CD3G: variants seen among roughly 807,000 people sequenced by gnomAD.
CD3G encodes the protein CD3 gamma subunit of T-cell receptor complex.
Under a neutral mutation model 28.3 loss-of-function variants are expected in CD3G, and 24 were observed. The ratio of observed to expected loss-of-function variants is 0.85; its 90% confidence interval spans 0.61 to 1.19. The LOEUF is 1.19. CD3G is among the 50% of genes most tolerant of loss of function. The probability of loss-of-function intolerance (pLI) is 0.00; values close to 1 mark genes in which losing one functional copy is unlikely to be tolerated. For missense variants in CD3G, 211 were observed against 210.0 expected (o/e 1.00, Z -0.03); for synonymous variants, 71 against 75.9 (o/e 0.93, Z 0.34).
intron 4 of CD3G, chr11:118,350,888 T>TCAA: frequency 1.5e-6 from 1 of 684,478 alleles, no homozygotes; most frequent in South Asian, 7.2e-5. Context: ...GCTCCCTCTG[T>TCAA]GAAAAAAAAA....
chr11:118,345,193 G>T (rs1405767155), intron 1 of CD3G, among the ~76,000 whole-genome samples: 1 of 152,026 alleles, frequency 6.6e-6, no homozygotes. Flanking sequence ...CAATTTTAAG[G>T]GGCAGTTAGA....
At position 118,353,971 on chromosome 11, in the gene CD3G, A is replaced by G. The variant is rs1044511919; in HGVS notation, c.*871A>G. ...ACATCTTGTGAGATTATTGCATACC[A>G]TTATATGAAGATACCATTATATCCT... On this transcript the variant is annotated 3_prime_UTR_variant, in exon 7 of 7. Coordinates refer to ENST00000532917, the MANE Select transcript of CD3G (RefSeq NM_000073.3). 2 of 152,214 alleles carry G rather than the reference A, an allele frequency of 1.3e-5. No homozygotes were observed. The highest frequency in any genetic ancestry group is 6.5e-5 in the Admixed American group (1 of 15,286). 9.4% of individuals were successfully genotyped at this position (152,214 alleles called of 1,614,324 possible).
chr11:118,347,003 GCA>G (rs1304437218), intron 1 of CD3G, among the ~76,000 whole-genome samples: 1 of 151,998 alleles, frequency 6.6e-6, no homozygotes, highest in African/African-American at 2.4e-5. Flanking sequence ...TTATTCATTT[GCA>G]CATTCATTCA....
intron 1 of CD3G, 128 bp from the exon 2 acceptor site, chr11:118,348,899 A>G: frequency 9.5e-7 from 1 of 1,048,240 alleles, no homozygotes; most frequent in South Asian, 1.3e-5. Flanking sequence ...AAAACTAAGT[A>G]TAGATACTAC....
chr11:118,352,613 C>T (rs569454351), intron 6 of CD3G, 126 bp downstream of exon 6: 55 of 756,480 alleles, frequency 7.3e-5, no homozygotes, highest in East Asian at 5.6e-4. Flanking sequence ...GGGATTGGGA[C>T]GTGGTTTGGG....
At chr11:118,351,563 T>C (rs1948410159) in intron 4 of CD3G, 65 bp from the exon 5 acceptor site, 2 of 1,448,830 alleles carry the variant, frequency 1.4e-6, no homozygotes, top group South Asian at 2.3e-5. Context: ...GTATTCCATT[T>C]TGTGAATATA....
At chr11:118,347,393 C>T (rs1591282952) in intron 1 of CD3G, among the ~76,000 whole-genome samples, 1 of 152,128 alleles carries the variant, frequency 6.6e-6, no homozygotes, top group African/African-American at 2.4e-5. Context: ...ATAATGTATA[C>T]ATTCTATTAA....
Position 118,349,843 on chromosome 11 carries a change from G to C in CD3G, c.180G>C (p.Lys60Asn). The change falls in exon 3 of 7, where the codon AAG becomes AAC. Residue 60 changes from lysine (K) to asparagine (N), a missense_variant. Physicochemically the swap from Lys to Asn is moderately conservative, Grantham distance 94. Coordinates refer to ENST00000532917, the MANE Select transcript of CD3G (RefSeq NM_000073.3). ...AKNITWFKDG[K>N]MIGFLTEDKK... ...ATATCACATGGTTTAAAGATGGGAA[G>C]ATGATCGGCTTCCTAACTGAAGATA... 6.2e-7 allele frequency: 1 copy of C among 1,614,114 alleles called. No homozygotes were observed. The highest frequency in any genetic ancestry group is 1.3e-5 in the African/African-American group (1 of 75,036).
chr11:118,351,179 T>G (rs1000685405), intron 4 of CD3G, among the ~76,000 whole-genome samples: 4 of 95,414 alleles, frequency 4.2e-5, no homozygotes, highest in Admixed American at 1.5e-4. Context: ...AGAGCAAGAC[T>G]CCGTCTCAAA....
In CD3G at chr11:118,349,869, A is replaced by G; in HGVS notation, c.206A>G (p.Lys69Arg). Reference protein sequence around the residue: ...GKMIGFLTEDKKKWNLGSNAK... With the variant: ...GKMIGFLTEDRKKWNLGSNAK... ...ATGATCGGCTTCCTAACTGAAGATA[A>G]AAAAAAATGGAATCTGGGAAGTAAT... Residue 69 changes from lysine (K) to arginine (R), a missense_variant, in exon 3 of 7, where the codon AAA (lysine) becomes AGA (arginine). Transcript: ENST00000532917. 1.2e-6 allele frequency: 2 copies of G among 1,613,784 alleles called. No homozygotes were observed. The highest frequency in any genetic ancestry group is 1.7e-6 in the Non-Finnish European group (2 of 1,179,826).
intron 3 of CD3G, chr11:118,350,199 G>A (rs1948393689): frequency 1.7e-6 from 1 of 587,110 alleles, no homozygotes; most frequent in South Asian, 2.0e-5. Flanking sequence ...TGGGCTCCAT[G>A]GATTCAAGCA....
chr11:118,350,439 A>C (rs1478232006), intron 3 of CD3G, 113 bp from the exon 4 acceptor site: 1 of 818,474 alleles, frequency 1.2e-6, no homozygotes, highest in Admixed American at 1.7e-5. Context: ...TGCCACCCAC[A>C]GAGGAAAAGC....
chr11:118,350,888 T>TGAA (rs1948401888), intron 4 of CD3G: 1 of 682,218 alleles, frequency 1.5e-6, no homozygotes, highest in Non-Finnish European at 1.8e-6. Flanking sequence ...GCTCCCTCTG[T>TGAA]GAAAAAAAAA....
rs780585252 is a variant in CD3G at position 118,350,567 on chromosome 11, T to C, written c.323T>C (p.Ile108Thr). The change falls in exon 4 of 7, where the codon ATT becomes ACT. Residue 108 changes from isoleucine (I) to threonine (T), a missense_variant. By Grantham distance (89) the Ile-to-Thr change is moderately conservative. Transcript: ENST00000532917. The part of the protein sequence containing the change: ...QVYYRMCQNC[I>T]ELNAATISGF... ...TTCCCTACAGTGTGTCAGAACTGCA[T>C]TGAACTAAATGCAGCCACCATATCT... 1.2e-6 allele frequency: 2 copies of C among 1,613,858 alleles called. No individual in the cohort carries two copies. The highest frequency in any genetic ancestry group is 1.7e-5 in the Admixed American group (1 of 60,014).
intron 1 of CD3G, 73 bp from the exon 2 acceptor site, chr11:118,348,954 C>A: frequency 1.3e-6 from 2 of 1,526,454 alleles, no homozygotes; most frequent in Non-Finnish European, 1.8e-6. Flanking sequence ...CCTCAAATAA[C>A]CATGGAAATA....
rs201061295 is a variant in CD3G at position 118,352,379 on chromosome 11, C to G, written c.484-25C>G. ...AATTAATAGAGGATGGAAAAAATGA[C>G]TTATGACTGTGCTGTCCTTTCCAGC... On this transcript the variant is annotated intron_variant, in intron 5 of 6. Coordinates refer to ENST00000532917, the MANE Select transcript of CD3G (RefSeq NM_000073.3). 8 of 1,602,528 alleles carry G rather than the reference C, an allele frequency of 5.0e-6. No individual in the cohort carries two copies. In the South Asian group the frequency reaches 8.8e-5, roughly 18 times the overall value.
At chr11:118,350,759 G>A (rs1561966) in intron 4 of CD3G, 76 bp downstream of exon 4, 518,666 of 1,607,790 alleles carry the variant, frequency 0.32, 88,238 homozygotes, top group East Asian at 0.58. Context: ...TGTACCCAAT[G>A]GAAGAGACTG....
intron 2 of CD3G, chr11:118,349,537 G>A: frequency 3.2e-6 from 2 of 628,960 alleles, no homozygotes; most frequent in Admixed American, 2.9e-5. Flanking sequence ...CGCAGATATT[G>A]GCGTCACCCG....
intron 4 of CD3G, 86 bp from the exon 5 acceptor site, chr11:118,351,542 A>G (rs1948410024): frequency 3.2e-6 from 4 of 1,242,714 alleles, no homozygotes; most frequent in Non-Finnish European, 4.7e-6. Context: ...TAAAACTCTT[A>G]TTGTTATTTA....
Sources: gnomAD v4.1 joint callset for allele counts (sites outside exome capture counted in the v4.1 genomes callset) on GRCh38, gnomAD v4.1.1 for gene constraint, MANE v1.5 for transcripts, NCBI Gene and HGNC (gene_info 2026-07-23, HGNC 2026-07-21) for gene names.